Variants in FNDC3A observed in about 807,000 individuals in gnomAD.
FNDC3A encodes fibronectin type III domain containing 3A.
FNDC3A carries 32 observed loss-of-function variants against 148.9 expected under a neutral mutation model. That is an observed-to-expected ratio of 0.21 (90% CI 0.16 to 0.29). FNDC3A has a LOEUF of 0.29. FNDC3A is among the 10% of genes least tolerant of loss of function. FNDC3A has a pLI of 1.00. For synonymous variants in FNDC3A, 472 were observed against 473.6 expected, an observed-to-expected ratio of 1.00 and a Z score of 0.04; for missense variants, 1,191 against 1,452.8, an observed-to-expected ratio of 0.82 and a Z score of 2.93.
chr13:49,207,147 C>T lies in FNDC3A; in HGVS notation c.3349C>T (p.Arg1117Cys), dbSNP rs1212520274. 2 of 1,614,024 alleles carry T rather than the reference C, an allele frequency of 1.2e-6. No individual in the cohort carries two copies. The highest frequency in any genetic ancestry group is 8.5e-7 in the Non-Finnish European group (1 of 1,180,004). ...SLQLNCEYRF[R>C]VCAIRQCQDS... ...TCAGCTGAACTGTGAATATCGCTTCCGTGTATGTGCCATTCGCCAGTGCCA... is the reference window on the plus strand; with the variant it reads ...TCAGCTGAACTGTGAATATCGCTTCTGTGTATGTGCCATTCGCCAGTGCCA... Residue 1117 changes from arginine (R) to cysteine (C), a missense_variant, in exon 26 of 26, where the codon CGT becomes TGT. This residue lies in a region of FNDC3A where 751 missense variants were observed against 944.0 expected (regional missense o/e 0.80). Transcript: ENST00000492622.
chr13:48,987,008 G>A (rs887972883), intron 1 of FNDC3A, among the ~76,000 whole-genome samples: 12 of 152,216 alleles, frequency 7.9e-5, no homozygotes, highest in African/African-American at 2.2e-4. Context: ...ATGTATTACT[G>A]TGGCCAGAAA....
At chr13:49,160,475 C>G (rs1485160521) in intron 8 of FNDC3A, among the ~76,000 whole-genome samples, 11 of 152,164 alleles carry the variant, frequency 7.2e-5, no homozygotes, top group Admixed American at 3.9e-4. Flanking sequence ...TCCCCTTTAT[C>G]ATTTTTTATT....
intron 8 of FNDC3A, among the ~76,000 whole-genome samples, chr13:49,163,468 C>T (rs777692570): frequency 1.2e-4 from 19 of 152,302 alleles, no homozygotes; most frequent in Middle Eastern, 6.8e-3. Context: ...CCTGGTGTGC[C>T]GTTTGCTGAG....
intron 2 of FNDC3A, among the ~76,000 whole-genome samples, chr13:49,043,663 G>A (rs2137692325): frequency 6.6e-6 from 1 of 151,400 alleles, no homozygotes; most frequent in East Asian, 1.9e-4. Context: ...CAAAACTTTG[G>A]CCATTTTTTT....
intron 2 of FNDC3A, among the ~76,000 whole-genome samples, chr13:49,069,648 T>G (rs1877512867): frequency 6.6e-6 from 1 of 152,176 alleles, no homozygotes; most frequent in Admixed American, 6.5e-5. Flanking sequence ...TACACACAAG[T>G]GCTCAGGTAA....
At chr13:49,009,500 T>A (rs1236772304) in intron 2 of FNDC3A, among the ~76,000 whole-genome samples, 1 of 152,202 alleles carries the variant, frequency 6.6e-6, no homozygotes, top group Non-Finnish European at 1.5e-5. Context: ...TGCTAGATTG[T>A]GCGGTAGGGC....
At chr13:48,981,762 C>T (rs1043700552) in intron 1 of FNDC3A, among the ~76,000 whole-genome samples, 1 of 151,882 alleles carries the variant, frequency 6.6e-6, no homozygotes, top group African/African-American at 2.4e-5. Flanking sequence ...TGAAGTAAGC[C>T]TTGGTGTAAA....
chr13:49,191,305 C>G lies in FNDC3A; in HGVS notation c.2147C>G (p.Ser716Cys), dbSNP rs1385961429. ...GAACCTAGAGAAGTTTACCAAGGTT[C>G]TGAAGTAGAATGTACAGTGAGCAGC... ...KDEPREVYQG[S>C]EVECTVSSLL... Residue 716 changes from serine (S) to cysteine (C), a missense_variant, in exon 19 of 26, where the codon TCT (serine) becomes TGT (cysteine). Physicochemically the swap from Ser to Cys is moderately radical, Grantham distance 112. This residue lies in a region of FNDC3A where 751 missense variants were observed against 944.0 expected (regional missense o/e 0.80). Coordinates refer to ENST00000492622, the MANE Select transcript of FNDC3A (RefSeq NM_001079673.2). 6.2e-7 allele frequency: 1 copy of G among 1,613,804 alleles called. No homozygotes were observed.
At chr13:49,088,656 G>A (rs1878975656) in intron 3 of FNDC3A, among the ~76,000 whole-genome samples, 1 of 152,006 alleles carries the variant, frequency 6.6e-6, no homozygotes, top group African/African-American at 2.4e-5. Flanking sequence ...TCTCTTGATT[G>A]CCCTTCTACA....
intron 19 of FNDC3A, among the ~76,000 whole-genome samples, chr13:49,193,427 A>AT (rs1372794330): frequency 3.3e-5 from 5 of 151,948 alleles, no homozygotes; most frequent in Non-Finnish European, 7.4e-5. Flanking sequence ...TACCAGGCTG[A>AT]TTTTTTACTT....
At chr13:49,106,736 G>A (rs1163921343) in intron 3 of FNDC3A, among the ~76,000 whole-genome samples, 1 of 117,848 alleles carries the variant, frequency 8.5e-6, no homozygotes, top group Non-Finnish European at 1.6e-5. Flanking sequence ...CTGGCACATT[G>A]TAGATAATCT....
At chr13:49,028,348 C>G (rs1235216223) in intron 2 of FNDC3A, among the ~76,000 whole-genome samples, 1 of 152,038 alleles carries the variant, frequency 6.6e-6, no homozygotes, top group African/African-American at 2.4e-5. Context: ...TCAAGTGATT[C>G]TCCTACCTCA....
chr13:48,988,236 T>G (rs1421647886), intron 1 of FNDC3A, among the ~76,000 whole-genome samples: 1 of 152,138 alleles, frequency 6.6e-6, no homozygotes, highest in Non-Finnish European at 1.5e-5. Context: ...CAGTATTAGA[T>G]CAACGAGACA....
Position 49,168,626 on chromosome 13 carries a change from T to C in FNDC3A, c.1051T>C (p.Tyr351His). 2 of 1,609,868 alleles carry C rather than the reference T, an allele frequency of 1.2e-6. No homozygotes were observed. The highest frequency in any genetic ancestry group is 2.2e-5 in the South Asian group (2 of 91,006). Residue 351 changes from tyrosine to histidine, a missense_variant, in exon 10 of 26, where the codon TAT (tyrosine) becomes CAT (histidine). Physicochemically the swap from Tyr to His is moderately conservative, Grantham distance 83. Transcript: ENST00000492622. ...TTATCACCATAGAGTCCAGGCAGAA[T>C]ATAATTCTATAAAGGGAACTCCTTC... ...MDYHAKVQAE[Y>H]NSIKGTPSEA...
intron 2 of FNDC3A, among the ~76,000 whole-genome samples, chr13:49,018,473 C>G (rs1346420087): frequency 6.6e-5 from 10 of 152,234 alleles, no homozygotes; most frequent in Non-Finnish European, 1.0e-4. Flanking sequence ...AAGCACTTCT[C>G]TGTATTGGTT....
chr13:49,075,723 C>A (rs1006658379), intron 3 of FNDC3A, among the ~76,000 whole-genome samples: 1 of 151,908 alleles, frequency 6.6e-6, no homozygotes, highest in Non-Finnish European at 1.5e-5. Context: ...TTCTAATAGG[C>A]TTATTCACTG....
intron 3 of FNDC3A, among the ~76,000 whole-genome samples, chr13:49,103,583 G>A (rs748433347): frequency 2.6e-5 from 4 of 152,192 alleles, no homozygotes; most frequent in Non-Finnish European, 5.9e-5. Context: ...TGGGGGCAAG[G>A]AGACCCATTA....
intron 25 of FNDC3A, 23 bp downstream of exon 25, chr13:49,203,307 G>A (rs1321160651): frequency 2.6e-6 from 4 of 1,553,454 alleles, no homozygotes; most frequent in Non-Finnish European, 3.5e-6. Flanking sequence ...ATATTAATGT[G>A]TGGATGCATA....
chr13:49,144,736 A>G (rs539139047), intron 7 of FNDC3A, among the ~76,000 whole-genome samples: 3 of 152,320 alleles, frequency 2.0e-5, no homozygotes, highest in Admixed American at 6.5e-5. Flanking sequence ...TCTGCGTCTC[A>G]CCACACTTAC....
Sources: allele counts gnomAD v4.1 joint callset (sites outside exome capture counted in the v4.1 genomes callset), GRCh38; gene constraint gnomAD v4.1.1; regional missense constraint gnomAD v4.1.1; transcripts MANE v1.5; gene names NCBI Gene and HGNC (gene_info 2026-07-23, HGNC 2026-07-21).